MBLAC2: variants seen among roughly 807,000 people sequenced by gnomAD.
MBLAC2 encodes acyl-coenzyme A thioesterase MBLAC2.
MBLAC2 carries 24 observed loss-of-function variants against 23.3 expected under a neutral mutation model. The observed-to-expected ratio is 1.03, with a 90% CI of 0.75 to 1.45. The LOEUF is 1.45. Ranked by LOEUF, MBLAC2 falls within the 40% of genes most tolerant of loss-of-function variation. MBLAC2 has a pLI of 0.00. For synonymous variants in MBLAC2, 162 were observed against 150.9 expected, an observed-to-expected ratio of 1.07 and a Z score of -0.54; for missense variants, 358 against 370.0, an observed-to-expected ratio of 0.97 and a Z score of 0.27.
chr5:90,465,908 G>T (rs749942275), intron 1 of MBLAC2, among the ~76,000 whole-genome samples: 32 of 152,154 alleles, frequency 2.1e-4, no homozygotes, highest in Non-Finnish European at 3.1e-4. Context: ...AGTGGCTACT[G>T]TAATGGCCAG....
In MBLAC2 at chr5:90,459,406, A is replaced by G. The variant is rs1750319028; in HGVS notation, c.*1761T>C. ...GCTAAATATGTGATGTTTGGAATAT[A>G]CTGGATTCCTGAAAATTAAATTTAT... On this transcript the variant is annotated 3_prime_UTR_variant, in exon 2 of 2. Transcript: ENST00000316610. The G allele has an allele frequency of 6.6e-6, 1 of 152,152 alleles. No homozygotes were observed. The highest frequency in any genetic ancestry group is 1.5e-5 in the Non-Finnish European group (1 of 67,972). The allele number at this position is 152,152 out of a possible 1,614,324, so 9.4% of individuals were successfully genotyped here. A position where few individuals can be genotyped will look rare whatever the true frequency, so the allele number is the denominator to read the frequency against.
rs555024089 is a variant in MBLAC2 at position 90,474,365 on chromosome 5, C to A, written c.-73G>T. 4.5e-5 allele frequency: 62 copies of A among 1,382,390 alleles called. No individual in the cohort carries two copies. The African/African-American group carries it at 6.1e-4, about 14-fold the overall frequency. 85.6% of individuals were successfully genotyped at this position (1,382,390 alleles called of 1,614,324 possible). On this transcript the variant is annotated 5_prime_UTR_variant, in exon 1 of 2. Transcript: ENST00000316610. ...TCCCACAGGCTGTCCACACACAGGGCACTGCGGCTGTGTGAAGCGGTCTGC... is the reference window on the plus strand; with the variant it reads ...TCCCACAGGCTGTCCACACACAGGGAACTGCGGCTGTGTGAAGCGGTCTGC...
At chr5:90,463,229 G>A (rs115693088) in intron 1 of MBLAC2, among the ~76,000 whole-genome samples, 1,843 of 152,272 alleles carry the variant, frequency 0.012, 33 homozygotes, top group African/African-American at 0.041. Flanking sequence ...AATTACAGGC[G>A]TGTGCCATCA....
intron 1 of MBLAC2, chr5:90,473,351 A>G: frequency 3.1e-6 from 1 of 321,838 alleles, no homozygotes; most frequent in South Asian, 3.7e-5. Flanking sequence ...CTAAGGCTAC[A>G]GGTGGGAACT....
At chr5:90,465,069 G>A (rs1464469560) in intron 1 of MBLAC2, among the ~76,000 whole-genome samples, 1 of 152,108 alleles carries the variant, frequency 6.6e-6, no homozygotes, top group Non-Finnish European at 1.5e-5. Context: ...AAGAAAATCT[G>A]TCTTTATTTA....
In MBLAC2 at chr5:90,461,559, A is replaced by G. The variant is rs1561238098; in HGVS notation, c.455-7T>C. On this transcript the variant is annotated splice_region_variant and splice_polypyrimidine_tract_variant and intron_variant, in intron 1 of 1. Transcript: ENST00000316610. ...CCAAGGTTGATCACATCCCCTACAA[A>G]TGGAAACAGAGTTTACAGATAAACA... is the stretch of plus-strand genomic sequence containing the variant. 6.3e-7 allele frequency: 1 copy of G among 1,599,588 alleles called. No individual in the cohort carries two copies. Among genetic ancestry groups the G allele is most frequent in the East Asian group, 2.2e-5 (1 of 44,780 alleles).
rs201019328 is a variant in MBLAC2, at chr5:90,463,854, G to GA, written c.455-2303dup. ...ATACACCTTTAGCTAGACAAATCAA[G>GA]AAAAAATTAGAGAAGATACAACTTG... is the stretch of plus-strand genomic sequence containing the variant. On this transcript the variant is annotated intron_variant, in intron 1 of 1. Coordinates refer to ENST00000316610, the MANE Select transcript of MBLAC2 (RefSeq NM_203406.2). Among the ~76,000 whole-genome samples the GA allele has an allele frequency of 3.4e-3, 514 of 151,968 alleles. 5 individuals are homozygous for GA. The highest frequency in any genetic ancestry group is 2.0e-3 in the Non-Finnish European group (138 of 67,920).
rs1750314162 is a variant in MBLAC2, at chr5:90,459,170, C to T, written c.*1997G>A. 6.6e-6 allele frequency: 1 copy of T among 152,514 alleles called. No individual in the cohort carries two copies. The highest frequency in any genetic ancestry group is 2.4e-5 in the African/African-American group (1 of 41,436). The allele number at this position is 152,514 out of a possible 1,614,324, so 9.4% of individuals were successfully genotyped here. Reference sequence around the variant, plus strand: ...TATTTGTAGTTGCCCTGAACCAAATCATTATTCTCAATGTTGCACTCAGTT... The same window carrying T: ...TATTTGTAGTTGCCCTGAACCAAATTATTATTCTCAATGTTGCACTCAGTT... On this transcript the variant is annotated 3_prime_UTR_variant, in exon 2 of 2. Coordinates refer to ENST00000316610, the MANE Select transcript of MBLAC2 (RefSeq NM_203406.2).
At chr5:90,467,174 C>T (rs1750462813) in intron 1 of MBLAC2, among the ~76,000 whole-genome samples, 1 of 152,132 alleles carries the variant, frequency 6.6e-6, no homozygotes, top group African/African-American at 2.4e-5. Flanking sequence ...GTAGAATGTT[C>T]TGTAAATATC....
At chr5:90,470,910 G>A (rs995296046) in intron 1 of MBLAC2, among the ~76,000 whole-genome samples, 3 of 151,984 alleles carry the variant, frequency 2.0e-5, no homozygotes, top group Non-Finnish European at 4.4e-5. Flanking sequence ...GAGAGGGAGG[G>A]GCATTCACTA....
chr5:90,465,927 C>T (rs185396395), intron 1 of MBLAC2, among the ~76,000 whole-genome samples: 2 of 152,232 alleles, frequency 1.3e-5, no homozygotes, highest in Admixed American at 6.5e-5. Flanking sequence ...AGTAAAAATT[C>T]AACATAATCT....
chr5:90,473,773 G>A (rs1750619914), intron 1 of MBLAC2, 66 bp downstream of exon 1: 5 of 1,431,410 alleles, frequency 3.5e-6, no homozygotes, highest in South Asian at 1.2e-5. Context: ...GCAACATGCG[G>A]CACTCGGACA....
At chr5:90,473,488 G>A (rs943682880) in intron 1 of MBLAC2, 1 of 578,682 alleles carries the variant, frequency 1.7e-6, no homozygotes, top group South Asian at 2.2e-5. Flanking sequence ...TGGAAATGTC[G>A]GGCAGGTGCT....
intron 1 of MBLAC2, among the ~76,000 whole-genome samples, chr5:90,463,566 A>G (rs1580180260): frequency 3.3e-5 from 5 of 152,240 alleles, no homozygotes; most frequent in African/African-American, 1.2e-4. Flanking sequence ...AAATCAAAAC[A>G]TATCAAAATG....
rs1489651258 is a variant in MBLAC2, at chr5:90,474,485, C to T, written c.-193G>A. 4 of 594,550 alleles carry T rather than the reference C, an allele frequency of 6.7e-6. No homozygotes were observed. The highest frequency in any genetic ancestry group is 2.9e-5 in the East Asian group (1 of 34,784). The allele number at this position is 594,550 out of a possible 1,614,324, so 36.8% of individuals were successfully genotyped here. A position where few individuals can be genotyped will look rare whatever the true frequency, so the allele number is the denominator to read the frequency against. ...GGACGCAGACCGACGCTGCCCGTAGCGTGCGCTCCCGCACCCTTCCGCCAG... is the reference window on the plus strand; with the variant it reads ...GGACGCAGACCGACGCTGCCCGTAGTGTGCGCTCCCGCACCCTTCCGCCAG... On this transcript the variant is annotated 5_prime_UTR_variant, in exon 1 of 2. Transcript: ENST00000316610.
chr5:90,474,305 T>C lies in MBLAC2; in HGVS notation c.-13A>G, dbSNP rs73771266. 2.3e-3 allele frequency: 3,698 copies of C among 1,610,604 alleles called. 45 individuals carry two copies. Among genetic ancestry groups the C allele is most frequent in the African/African-American group, 0.018 (1,369 of 74,966 alleles). On this transcript the variant is annotated 5_prime_UTR_variant, in exon 1 of 2. Coordinates refer to ENST00000316610, the MANE Select transcript of MBLAC2 (RefSeq NM_203406.2). ...CGAGCGCCGACATGCTGGGCAGGGG[T>C]GCAGCCAGGCGGGGTGAGTGTGGGC...
At position 90,459,355 on chromosome 5, in the gene MBLAC2, C is replaced by T. The variant is rs1344443684; in HGVS notation, c.*1812G>A. ...TCTCCCATTAACAATGACTCATATACACAATCACAAATCAATTTTTCTCAT... is the reference window on the plus strand; with the variant it reads ...TCTCCCATTAACAATGACTCATATATACAATCACAAATCAATTTTTCTCAT... On this transcript the variant is annotated 3_prime_UTR_variant, in exon 2 of 2. Coordinates refer to ENST00000316610, the MANE Select transcript of MBLAC2 (RefSeq NM_203406.2). The T allele has an allele frequency of 6.6e-6, 1 of 152,194 alleles. No homozygotes were observed. Among genetic ancestry groups the T allele is most frequent in the East Asian group, 1.9e-4 (1 of 5,196 alleles). The allele number at this position is 152,194 out of a possible 1,614,324, so 9.4% of individuals were successfully genotyped here. A position where few individuals can be genotyped will look rare whatever the true frequency, so the allele number is the denominator to read the frequency against.
At chr5:90,468,657 A>C (rs2151892283) in intron 1 of MBLAC2, among the ~76,000 whole-genome samples, 1 of 152,246 alleles carries the variant, frequency 6.6e-6, no homozygotes, top group South Asian at 2.1e-4. Context: ...AACATTCTCC[A>C]AGATAGACCA....
At chr5:90,464,297 G>T (rs1217696774) in intron 1 of MBLAC2, among the ~76,000 whole-genome samples, 1 of 152,156 alleles carries the variant, frequency 6.6e-6, no homozygotes, top group African/African-American at 2.4e-5. Context: ...CATCAGGCCT[G>T]GTGCGGTAGC....
Sources: allele counts gnomAD v4.1 joint callset (sites outside exome capture counted in the v4.1 genomes callset), GRCh38; gene constraint gnomAD v4.1.1; transcripts MANE v1.5; gene names NCBI Gene and HGNC (gene_info 2026-07-23, HGNC 2026-07-21).